The following ELP4 variants were observed in gnomAD, a reference collection of about 807,000 sequenced individuals.
The protein encoded by ELP4 is elongator acetyltransferase complex subunit 4, also known as elongator complex protein 4.
In ELP4, 51 loss-of-function variants were observed where a neutral mutation model predicts 48.9. The ratio of observed to expected loss-of-function variants is 1.04; its 90% CI spans 0.83 to 1.32. ELP4 has a LOEUF of 1.32. Among genes scored for constraint, ELP4 ranks in the 40% most tolerant of loss-of-function variants. ELP4 has a pLI of 0.00. For missense variants in ELP4, 519 were observed against 514.6 expected (o/e 1.01, Z -0.08); for synonymous variants, 210 against 189.2 (o/e 1.11, Z -0.90).
At chr11:31,717,091 A>AG (rs1206409656) in intron 9 of ELP4, among the ~76,000 whole-genome samples, 3 of 152,178 alleles carry the variant, frequency 2.0e-5, no homozygotes, top group African/African-American at 7.2e-5. Flanking sequence ...GGAAAAAAAA[A>AG]TGAATGAGAT....
intron 9 of ELP4, among the ~76,000 whole-genome samples, chr11:31,745,176 C>T (rs1460066021): frequency 1.3e-5 from 2 of 152,152 alleles, no homozygotes; most frequent in African/African-American, 2.4e-5. Flanking sequence ...AGGAATCCAA[C>T]TTACAAGGGA....
rs1412934213 is a variant in ELP4 at position 31,574,187 on chromosome 11, G to C, written c.382-20583G>C. Among the ~76,000 whole-genome samples the C allele has an allele frequency of 4.6e-5, 7 of 152,208 alleles. 1 individual carries two copies. Among genetic ancestry groups the C allele is most frequent in the Admixed American group, 4.6e-4 (7 of 15,274 alleles). ...ATGCTAGTAACATAAGAAGTCATGT[G>C]CTTTTTCAGCAGTCTGAGATCGAAC... On this transcript the variant is annotated intron_variant, in intron 3 of 9. Transcript: ENST00000640961.
intron 9 of ELP4, chr11:31,687,826 C>T (rs923852143): frequency 6.6e-6 from 1 of 152,084 alleles, no homozygotes; most frequent in African/African-American, 2.4e-5. Context: ...TATAATTAAT[C>T]ATTCTATAAT....
intron 9 of ELP4, among the ~76,000 whole-genome samples, chr11:31,752,909 CAG>C (rs1247664694): frequency 2.0e-5 from 3 of 150,318 alleles, no homozygotes; most frequent in Admixed American, 2.0e-4. Flanking sequence ...AATCTGCAAA[CAG>C]AATTCAACAA....
At chr11:31,746,539 C>G (rs1451764472) in intron 9 of ELP4, among the ~76,000 whole-genome samples, 1 of 152,186 alleles carries the variant, frequency 6.6e-6, no homozygotes, top group East Asian at 1.9e-4. Context: ...ACATATACAT[C>G]ATGGAATGCT....
At chr11:31,711,595 C>T (rs1463706789) in intron 9 of ELP4, among the ~76,000 whole-genome samples, 1 of 151,938 alleles carries the variant, frequency 6.6e-6, no homozygotes, top group African/African-American at 2.4e-5. Context: ...ATAGCACATT[C>T]GAATATTATA....
chr11:31,676,732 CAG>C (rs1322116380), intron 9 of ELP4, among the ~76,000 whole-genome samples: 3 of 152,094 alleles, frequency 2.0e-5, no homozygotes, highest in Non-Finnish European at 4.4e-5. Flanking sequence ...AGCTAGTTCT[CAG>C]AGAGATAAAG....
intron 3 of ELP4, among the ~76,000 whole-genome samples, chr11:31,582,473 C>G (rs145769309): frequency 8.6e-5 from 13 of 151,924 alleles, no homozygotes; most frequent in Admixed American, 8.5e-4. Context: ...TTCTTTTTAC[C>G]AAATTATTAT....
chr11:31,541,986 A>G (rs2133910019), intron 3 of ELP4, among the ~76,000 whole-genome samples: 1 of 152,356 alleles, frequency 6.6e-6, no homozygotes, highest in East Asian at 1.9e-4. Context: ...CTTAAAAAAT[A>G]CACCGTGTCT....
chr11:31,660,568 A>G (rs11031441), intron 9 of ELP4, among the ~76,000 whole-genome samples: 92,191 of 151,990 alleles, frequency 0.61, 31,726 homozygotes, highest in Non-Finnish European at 0.76. Flanking sequence ...CTTGATATAA[A>G]TAATAATAGA....
chr11:31,592,649 G>T (rs930393105), intron 3 of ELP4, among the ~76,000 whole-genome samples: 3 of 151,146 alleles, frequency 2.0e-5, no homozygotes, highest in Admixed American at 6.6e-5. Flanking sequence ...TGTATTTTCT[G>T]TACATCTTTT....
chr11:31,539,186 C>T (rs1423729171), intron 2 of ELP4, among the ~76,000 whole-genome samples: 1 of 152,134 alleles, frequency 6.6e-6, no homozygotes, highest in African/African-American at 2.4e-5. Context: ...TAGTTCTGGC[C>T]GGGCGCGGTG....
At chr11:31,567,169 G>T (rs1430682638) in intron 3 of ELP4, among the ~76,000 whole-genome samples, 1 of 151,852 alleles carries the variant, frequency 6.6e-6, no homozygotes, top group Non-Finnish European at 1.5e-5. Flanking sequence ...CTAACCTCAG[G>T]TGATCCACCT....
chr11:31,646,293 C>T (rs1000082714), intron 7 of ELP4: 1 of 151,766 alleles, frequency 6.6e-6, no homozygotes, highest in African/African-American at 2.4e-5. Flanking sequence ...TTCTTTTTAA[C>T]AACACTGATC....
At chr11:31,756,587 A>G (rs1947836740) in intron 9 of ELP4, among the ~76,000 whole-genome samples, 1 of 152,154 alleles carries the variant, frequency 6.6e-6, no homozygotes, top group Admixed American at 6.5e-5. Context: ...GCTCCTTTGC[A>G]GCACCTTCTT....
rs574583815 is a variant in ELP4, at chr11:31,726,032, G to A, written c.1144-57361G>A. 2.0e-5 allele frequency among the ~76,000 whole-genome samples: 3 copies of A among 152,296 alleles called. No homozygotes were observed. In the South Asian group the frequency reaches 6.2e-4, roughly 32 times the overall value. Reference sequence around the variant, plus strand: ...TAAGAATGCTTAACAAAGGAGGGTGGTATATCAGATAGACTTTGGCAAAAT... The same window carrying A: ...TAAGAATGCTTAACAAAGGAGGGTGATATATCAGATAGACTTTGGCAAAAT... On this transcript the variant is annotated intron_variant, in intron 9 of 9. Coordinates refer to ENST00000640961, the MANE Select transcript of ELP4 (RefSeq NM_019040.5).
intron 5 of ELP4, among the ~76,000 whole-genome samples, chr11:31,624,474 C>T (rs531851463): frequency 2.0e-5 from 3 of 151,450 alleles, no homozygotes; most frequent in African/African-American, 7.2e-5. Context: ...AGACACTTAC[C>T]GAGAATGGAG....
chr11:31,537,411 A>G (rs1372867411), intron 2 of ELP4, among the ~76,000 whole-genome samples: 2 of 152,176 alleles, frequency 1.3e-5, no homozygotes, highest in Admixed American at 1.3e-4. Context: ...GCTTATAGTA[A>G]GTCTTGAAAT....
chr11:31,601,515 C>T (rs1440910471), intron 4 of ELP4, among the ~76,000 whole-genome samples: 2 of 151,986 alleles, frequency 1.3e-5, no homozygotes, highest in East Asian at 1.9e-4. Context: ...TGTAAACTGT[C>T]TCAGCATGAA....
Sources: allele counts gnomAD v4.1 joint callset (sites outside exome capture counted in the v4.1 genomes callset), GRCh38; gene constraint gnomAD v4.1.1; transcripts MANE v1.5; gene names NCBI Gene and HGNC (gene_info 2026-07-23, HGNC 2026-07-21).